ITGB5: variants seen among roughly 807,000 people sequenced by gnomAD.
The protein encoded by ITGB5 is integrin subunit beta 5, also known as integrin beta-5.
Under a neutral mutation model 84.8 loss-of-function variants are expected in ITGB5, and 38 were observed. The observed-to-expected ratio is 0.45, with a 90% CI of 0.35 to 0.59. ITGB5 has a LOEUF of 0.59. Ranked by LOEUF, ITGB5 falls within the 20% of genes least tolerant of loss-of-function variation. ITGB5 has a pLI of 0.01. For synonymous variants in ITGB5, 393 were observed against 414.4 expected, an observed-to-expected ratio of 0.95 and a Z score of 0.63; for missense variants, 905 against 1,034.5, an observed-to-expected ratio of 0.87 and a Z score of 1.72.
At chr3:124,871,663 A>G (rs950844981) in intron 2 of ITGB5, among the ~76,000 whole-genome samples, 3 of 151,888 alleles carry the variant, frequency 2.0e-5, no homozygotes, top group African/African-American at 2.4e-5. Flanking sequence ...CCACCTCTAA[A>G]AGATATTTTT....
At chr3:124,832,479 C>T (rs7618074) in intron 5 of ITGB5, among the ~76,000 whole-genome samples, 35,834 of 152,124 alleles carry the variant, frequency 0.24, 4,335 homozygotes, top group African/African-American at 0.27. Flanking sequence ...CAGAGCCTGG[C>T]TCTCAAAAGC....
chr3:124,780,123 C>T (rs1433712032), intron 10 of ITGB5, among the ~76,000 whole-genome samples: 1 of 122,944 alleles, frequency 8.1e-6, no homozygotes, highest in African/African-American at 4.3e-5. Flanking sequence ...CGGGGACCCT[C>T]AGGGAGGCCT....
intron 5 of ITGB5, 65 bp from the exon 6 acceptor site, chr3:124,821,539 G>T: frequency 6.4e-7 from 1 of 1,555,582 alleles, no homozygotes; most frequent in Non-Finnish European, 8.8e-7. Flanking sequence ...GTCATGCAGG[G>T]CACTGGCCCC....
intron 11 of ITGB5, chr3:124,769,585 A>C (rs895489015): frequency 6.6e-6 from 1 of 152,642 alleles, no homozygotes; most frequent in African/African-American, 2.4e-5. Flanking sequence ...CTGCACGTTC[A>C]ACTCTCCAGG....
At chr3:124,898,985 G>T (rs1330295607) in intron 1 of ITGB5, among the ~76,000 whole-genome samples, 1 of 151,760 alleles carries the variant, frequency 6.6e-6, no homozygotes, top group African/African-American at 2.4e-5. Flanking sequence ...TGAGGCAGGA[G>T]AATCACTTGA....
intron 5 of ITGB5, among the ~76,000 whole-genome samples, chr3:124,822,455 C>T (rs889988724): frequency 3.9e-5 from 6 of 152,156 alleles, no homozygotes; most frequent in South Asian, 2.1e-4. Flanking sequence ...TGCTCTCTTA[C>T]GACAGATGAA....
chr3:124,891,370 G>C (rs1337316587), upstream of ITGB5, among the ~76,000 whole-genome samples: 1 of 152,088 alleles, frequency 6.6e-6, no homozygotes, highest in Admixed American at 6.6e-5. Context: ...ACTTATAGTG[G>C]ACTATTATCA....
intron 9 of ITGB5, among the ~76,000 whole-genome samples, chr3:124,803,577 C>T (rs988901791): frequency 2.6e-5 from 4 of 152,134 alleles, no homozygotes; most frequent in African/African-American, 7.2e-5. Context: ...GGAGGGGGAA[C>T]GGCCTTGGTT....
Position 124,894,134 on chromosome 3 carries a change from C to CTTTTTTTTTTTTT in ITGB5, c.-255+7119_-255+7131dup, listed in dbSNP as rs748784158. ...TTATAGTAAAAGTTGTGATATTTTT[C>CTTTTTTTTTTTTT]TTTTTTTTTTTTTTTTTTGAGACAG... On this transcript the variant is annotated intron_variant, in intron 1 of 4. Transcript: ENST00000608657. Among the ~76,000 whole-genome samples the CTTTTTTTTTTTTT allele has an allele frequency of 3.5e-3, 368 of 104,340 alleles. 42 individuals are homozygous for CTTTTTTTTTTTTT. The highest frequency in any genetic ancestry group is 4.5e-3 in the East Asian group (14 of 3,090). The allele number at this position is 104,340 out of a possible 152,430, so 68.5% of individuals were successfully genotyped here. A position where few individuals can be genotyped will look rare whatever the true frequency, so the allele number is the denominator to read the frequency against.
rs2063720032 is a variant in ITGB5 at position 124,763,374 on chromosome 3, G to GC, written c.*248dup. The GC allele has an allele frequency of 2.9e-6, 1 of 339,382 alleles. No individual in the cohort carries two copies. Among genetic ancestry groups the GC allele is most frequent in the Non-Finnish European group, 5.4e-6 (1 of 183,786 alleles). 21.0% of individuals were successfully genotyped at this position (339,382 alleles called of 1,614,324 possible). A position where few individuals can be genotyped will look rare whatever the true frequency, so the allele number is the denominator to read the frequency against. ...CTGGATGTGGCAGGGAAAGCTGAGA[G>GC]CGCCAAGGTCCCCTTGCTTTATCCC... On this transcript the variant is annotated 3_prime_UTR_variant, in exon 15 of 15. Coordinates refer to ENST00000296181, the MANE Select transcript of ITGB5 (RefSeq NM_002213.5).
At chr3:124,887,879 G>A, upstream of ITGB5, 1 of 264,534 alleles carries the variant, frequency 3.8e-6, no homozygotes, top group South Asian at 3.3e-5. Flanking sequence ...GGCGTGGTGG[G>A]GCGTGGAGGC....
intron 10 of ITGB5, among the ~76,000 whole-genome samples, chr3:124,790,839 C>T (rs1354858775): frequency 6.6e-6 from 1 of 152,120 alleles, no homozygotes; most frequent in Non-Finnish European, 1.5e-5. Flanking sequence ...TGAGACCTTA[C>T]TCAGAGGTGC....
intron 2 of ITGB5, among the ~76,000 whole-genome samples, chr3:124,871,079 C>T (rs892250999): frequency 1.3e-5 from 2 of 151,886 alleles, no homozygotes; most frequent in African/African-American, 2.4e-5. Flanking sequence ...TTTGTAGAGA[C>T]GGGGTTTCGT....
At chr3:124,900,587 T>A (rs2107663743) in intron 1 of ITGB5, among the ~76,000 whole-genome samples, 1 of 152,154 alleles carries the variant, frequency 6.6e-6, no homozygotes, top group East Asian at 1.9e-4. Context: ...CCACATTTCA[T>A]AGCCCTGAGA....
intron 5 of ITGB5, among the ~76,000 whole-genome samples, chr3:124,839,695 G>T (rs1017836666): frequency 6.6e-6 from 1 of 152,226 alleles, no homozygotes; most frequent in Non-Finnish European, 1.5e-5. Context: ...ATATCTGAAA[G>T]TCAGTCAAAA....
At chr3:124,841,275 G>A (rs1027350800) in intron 5 of ITGB5, 108 bp downstream of exon 5, 39 of 1,048,934 alleles carry the variant, frequency 3.7e-5, no homozygotes, top group East Asian at 2.7e-4. Context: ...GAGTGGTCAG[G>A]AGCCACATGC....
At chr3:124,882,533 G>A (rs1203479721) in intron 1 of ITGB5, among the ~76,000 whole-genome samples, 1 of 152,196 alleles carries the variant, frequency 6.6e-6, no homozygotes, top group Non-Finnish European at 1.5e-5. Flanking sequence ...ACGCTGAAGG[G>A]ACAGTGGGAG....
chr3:124,858,430 AC>A (rs1238735894), intron 3 of ITGB5, among the ~76,000 whole-genome samples: 1 of 152,220 alleles, frequency 6.6e-6, no homozygotes, highest in African/African-American at 2.4e-5. Flanking sequence ...GAGTAAATCT[AC>A]CAGCATCCTC....
chr3:124,894,382 T>C (rs1935060884), intron 1 of ITGB5: 1 of 152,156 alleles, frequency 6.6e-6, no homozygotes, highest in South Asian at 2.1e-4. Context: ...ATCCGTCCGT[T>C]GCGGCCTCCC....
Sources: allele counts gnomAD v4.1 joint callset (sites outside exome capture counted in the v4.1 genomes callset), GRCh38; gene constraint gnomAD v4.1.1; transcripts MANE v1.5; gene names NCBI Gene and HGNC (gene_info 2026-07-23, HGNC 2026-07-21).